Variants in BORA observed in about 807,000 individuals in gnomAD.
BORA encodes protein aurora borealis.
A neutral mutation model predicts 55.8 loss-of-function variants in BORA; 26 were observed. The observed-to-expected ratio is 0.47, with a 90% CI of 0.34 to 0.65. BORA has a LOEUF of 0.65. BORA is among the 30% of genes least tolerant of loss of function. The pLI, the probability that BORA is intolerant of heterozygous loss-of-function variation, is 0.01. For synonymous variants in BORA, 201 were observed against 216.9 expected, an observed-to-expected ratio of 0.93 and a Z score of 0.64; for missense variants, 568 against 671.5, an observed-to-expected ratio of 0.85 and a Z score of 1.70.
chr13:72,754,314 CTTT>C (rs531119727), intron 11 of BORA: 71 of 140,944 alleles, frequency 5.0e-4, no homozygotes, highest in Non-Finnish European at 8.6e-4. Flanking sequence ...TCTTTTTTTT[CTTT>C]TTTTTTTTTT....
intron 5 of BORA, among the ~76,000 whole-genome samples, chr13:72,741,622 C>T (rs1003359548): frequency 1.3e-5 from 2 of 151,964 alleles, no homozygotes; most frequent in Non-Finnish European, 2.9e-5. Context: ...TCAAATCCAT[C>T]GATTTTTTTT....
At chr13:72,734,863 C>T (rs2032886704) in intron 3 of BORA, 97 bp from the exon 4 acceptor site, 1 of 856,076 alleles carries the variant, frequency 1.2e-6, no homozygotes, top group Middle Eastern at 3.3e-4. Flanking sequence ...TGCCAGTTTT[C>T]AATGAAGGGA....
At chr13:72,730,678 T>C (rs1436228776) in intron 2 of BORA, among the ~76,000 whole-genome samples, 1 of 152,134 alleles carries the variant, frequency 6.6e-6, no homozygotes, top group Non-Finnish European at 1.5e-5. Context: ...TGAGTGTTAA[T>C]TGTGAAAGTT....
At chr13:72,730,515 T>C (rs2138037539) in intron 2 of BORA, among the ~76,000 whole-genome samples, 1 of 152,310 alleles carries the variant, frequency 6.6e-6, no homozygotes, top group Non-Finnish European at 1.5e-5. Context: ...TTGCCATTCA[T>C]AATTATTTTA....
chr13:72,734,730 A>G (rs1022547348), intron 3 of BORA, among the ~76,000 whole-genome samples: 6 of 152,150 alleles, frequency 3.9e-5, no homozygotes, highest in Non-Finnish European at 7.4e-5. Context: ...ATTGCATTCA[A>G]ACTTTGAATG....
chr13:72,753,501 AC>A, intron 10 of BORA, 188 bp from the exon 11 acceptor site: 2 of 488,480 alleles, frequency 4.1e-6, no homozygotes, highest in Non-Finnish European at 7.0e-6. Context: ...TAAAATGACT[AC>A]AATAATCAGT....
chr13:72,728,137 G>T, intron 1 of BORA, 130 bp downstream of exon 1: 1 of 1,296,492 alleles, frequency 7.7e-7, no homozygotes, highest in Non-Finnish European at 1.1e-6. Flanking sequence ...GTGTGGAAGA[G>T]AGGGGCACCA....
chr13:72,730,641 T>G (rs1344105080), intron 2 of BORA, among the ~76,000 whole-genome samples: 1 of 152,206 alleles, frequency 6.6e-6, no homozygotes, highest in Non-Finnish European at 1.5e-5. Flanking sequence ...ATTTTTACTT[T>G]TACATGGGCT....
rs188753421 is a variant in BORA at position 72,755,884 on chromosome 13, A to G, written c.*668A>G. Reference sequence around the variant, plus strand: ...TGGTGCCCAGAATAAAATATACCTCATGCCTAGGGTAGGGACATCCTTTCC... The same window carrying G: ...TGGTGCCCAGAATAAAATATACCTCGTGCCTAGGGTAGGGACATCCTTTCC... On this transcript the variant is annotated 3_prime_UTR_variant, in exon 12 of 12. Coordinates refer to ENST00000390667, the MANE Select transcript of BORA (RefSeq NM_024808.5). The G allele has an allele frequency of 1.9e-3, 743 of 398,520 alleles. 4 individuals are homozygous for G. Among genetic ancestry groups the G allele is most frequent in the African/African-American group, 0.012 (576 of 48,716 alleles). The allele number at this position is 398,520 out of a possible 1,614,324, so 24.7% of individuals were successfully genotyped here. A position where few individuals can be genotyped will look rare whatever the true frequency, so the allele number is the denominator to read the frequency against.
intron 5 of BORA, among the ~76,000 whole-genome samples, chr13:72,740,554 A>G (rs144788179): frequency 1.3e-5 from 2 of 152,292 alleles, no homozygotes; most frequent in Non-Finnish European, 1.5e-5. Flanking sequence ...CATTCCCATC[A>G]TCACAGAAAA....
At chr13:72,728,799 A>G (rs2032744097) in intron 1 of BORA, 127 bp from the exon 2 acceptor site, 2 of 755,380 alleles carry the variant, frequency 2.6e-6, no homozygotes, top group Admixed American at 3.5e-5. Context: ...AAGCTGTATC[A>G]TAGCCCCAAG....
In BORA at chr13:72,747,860, GT is replaced by G. The variant is rs531970708; in HGVS notation, c.1482+750del. Among the ~76,000 whole-genome samples the G allele has an allele frequency of 3.9e-5, 6 of 152,094 alleles. No individual in the cohort carries two copies. In the South Asian group the frequency reaches 1.2e-3, roughly 32 times the overall value. ...AGAGTTCTTTTATGTATGCATTTTT[GT>G]GCTTTTCTTTTAGAAACATGATTTA... On this transcript the variant is annotated intron_variant, in intron 10 of 11. Coordinates refer to ENST00000390667, the MANE Select transcript of BORA (RefSeq NM_024808.5).
At chr13:72,728,321 G>C (rs1264285767) in intron 1 of BORA, 1 of 612,494 alleles carries the variant, frequency 1.6e-6, no homozygotes, top group African/African-American at 1.8e-5. Context: ...TATCCCGGGA[G>C]GGGTGGAGGG....
intron 5 of BORA, 124 bp from the exon 6 acceptor site, chr13:72,743,413 T>C (rs1006937096): frequency 1.9e-6 from 1 of 538,260 alleles, no homozygotes; most frequent in Non-Finnish European, 3.1e-6. Context: ...TACTTATATA[T>C]GCAGATTTTT....
At chr13:72,744,699 CTT>C (rs962487719) in intron 7 of BORA, 138 bp downstream of exon 7, 11 of 698,670 alleles carry the variant, frequency 1.6e-5, no homozygotes, top group Admixed American at 3.0e-5. Context: ...TGAAATTTCT[CTT>C]TTTCTTGAAC....
chr13:72,739,123 A>T (rs1241882185), intron 5 of BORA, among the ~76,000 whole-genome samples: 1 of 152,188 alleles, frequency 6.6e-6, no homozygotes, highest in Non-Finnish European at 1.5e-5. Flanking sequence ...ATTGAACTAG[A>T]GTTGTCCATT....
Position 72,731,338 on chromosome 13 carries a change from A to G in BORA, c.211A>G (p.Ile71Val). ...ACTAGCTGTAATAAATCCTGTAGAAATAGACCCAGAAGATATTCATCGTCA... is the reference window on the plus strand; with the variant it reads ...ACTAGCTGTAATAAATCCTGTAGAAGTAGACCCAGAAGATATTCATCGTCA... ...DQLAVINPVE[I>V]DPEDIHRQAL... Residue 71 changes from isoleucine to valine, a missense_variant, in exon 3 of 12, where the codon ATA becomes GTA. Transcript: ENST00000390667. 3.7e-6 allele frequency: 6 copies of G among 1,612,806 alleles called. No individual in the cohort carries two copies. Among genetic ancestry groups the G allele is most frequent in the Non-Finnish European group, 5.1e-6 (6 of 1,179,334 alleles).
intron 10 of BORA, chr13:72,753,464 C>G: frequency 2.7e-6 from 1 of 372,688 alleles, no homozygotes; most frequent in Non-Finnish European, 4.8e-6. Context: ...AAGGAAGTTA[C>G]AAGATATATT....
rs769532231 is a variant in BORA, at chr13:72,746,874, G to A, written c.1245G>A (p.Glu415=). 8.7e-6 allele frequency: 14 copies of A among 1,614,020 alleles called. No homozygotes were observed. Residue 415 remains glutamate, a synonymous_variant, in exon 10 of 12, where the codon GAG becomes GAA. Coordinates refer to ENST00000390667, the MANE Select transcript of BORA (RefSeq NM_024808.5). ...SVTQNQSSAS[E]KELALLQDVE... is the part of the protein sequence containing the mutation. Reference sequence around the variant, plus strand: ...CACAAAATCAGTCCAGTGCTTCTGAGAAAGAATTAGCACTGTTGCAGGATG... The same window carrying A: ...CACAAAATCAGTCCAGTGCTTCTGAAAAAGAATTAGCACTGTTGCAGGATG...
Sources: gnomAD v4.1 joint callset for allele counts (sites outside exome capture counted in the v4.1 genomes callset) on GRCh38, gnomAD v4.1.1 for gene constraint, MANE v1.5 for transcripts, NCBI Gene and HGNC (gene_info 2026-07-23, HGNC 2026-07-21) for gene names.